The following HORMAD2 variants were observed in gnomAD, a reference collection of about 807,000 sequenced individuals.
The protein encoded by HORMAD2 is HORMA domain-containing protein 2.
Under a neutral mutation model 38.8 loss-of-function variants are expected in HORMAD2, and 45 were observed. The observed-to-expected ratio is 1.16, with a 90% CI of 0.91 to 1.49. The LOEUF (loss-of-function observed/expected upper bound fraction) is 1.49, where lower values mean the gene tolerates loss of function less well. Ranked by LOEUF, HORMAD2 falls within the 40% of genes most tolerant of loss-of-function variation. The pLI is 0.00. For missense variants in HORMAD2, 338 were observed against 367.0 expected, an observed-to-expected ratio of 0.92 and a Z score of 0.65; for synonymous variants, 126 against 122.8, an observed-to-expected ratio of 1.03 and a Z score of -0.17.
intron 10 of HORMAD2, among the ~76,000 whole-genome samples, chr22:30,173,359 G>A (rs1377034431): frequency 6.6e-6 from 1 of 152,220 alleles, no homozygotes; most frequent in Non-Finnish European, 1.5e-5. Flanking sequence ...ACCAGTGATT[G>A]GGAGAGATGA....
intron 10 of HORMAD2, among the ~76,000 whole-genome samples, chr22:30,156,027 C>G (rs751226467): frequency 6.6e-6 from 1 of 152,130 alleles, no homozygotes; most frequent in Non-Finnish European, 1.5e-5. Flanking sequence ...CCTGCTCAGG[C>G]TCCAACTCTG....
At chr22:30,200,073 C>T in the HORMAD2 span, among the ~76,000 whole-genome samples, 3 of 152,110 alleles carry the variant, frequency 2.0e-5, no homozygotes, top group Admixed American at 6.5e-5. Flanking sequence ...ACTGCTACCA[C>T]GCCTGGCTAA....
chr22:30,154,250 G>T (rs1186355777), intron 10 of HORMAD2, among the ~76,000 whole-genome samples: 1 of 151,984 alleles, frequency 6.6e-6, no homozygotes, highest in African/African-American at 2.4e-5. Flanking sequence ...CACAATATTT[G>T]TCACTAAAAT....
chr22:30,109,562 C>G (rs1479276337), intron 5 of HORMAD2, among the ~76,000 whole-genome samples: 1 of 152,058 alleles, frequency 6.6e-6, no homozygotes, highest in African/African-American at 2.4e-5. Context: ...AATGATCTGC[C>G]CACCTTGGGC....
rs1476834489 is a variant in HORMAD2, at chr22:30,122,083, A to G, written c.688A>G (p.Met230Val). 6.2e-7 allele frequency: 1 copy of G among 1,613,812 alleles called. No individual in the cohort carries two copies. Residue 230 changes from methionine to valine, a missense_variant, in exon 10 of 11, where the codon ATG becomes GTG. Transcript: ENST00000336726. ...ATTTGTCTCCACTGGCTTTCATAGC[A>G]TGAAAGTAAAAGTCATGACAGAGGC... ...VGFVSTGFHS[M>V]KVKVMTEATK... is the part of the protein sequence containing the mutation.
upstream of HORMAD2, among the ~76,000 whole-genome samples, chr22:30,077,768 C>T (rs1453415654): frequency 6.6e-6 from 1 of 152,134 alleles, no homozygotes; most frequent in African/African-American, 2.4e-5. Flanking sequence ...TACTTATATT[C>T]TCATCTGTAA....
rs990130795 is a variant in HORMAD2, at chr22:30,176,894, A to T, written c.*727A>T. 3 of 152,772 alleles carry T rather than the reference A, an allele frequency of 2.0e-5. No homozygotes were observed. The highest frequency in any genetic ancestry group is 7.2e-5 in the African/African-American group (3 of 41,460). The allele number at this position is 152,772 out of a possible 1,614,324, so 9.5% of individuals were successfully genotyped here. On this transcript the variant is annotated 3_prime_UTR_variant, in exon 11 of 11. Coordinates refer to ENST00000336726, the MANE Select transcript of HORMAD2 (RefSeq NM_152510.4). Reference sequence around the variant, plus strand: ...CCTTATTCTGGAAGAATTTGGATAGACTTAATTGATGATTAGTATGAGATG... The same window carrying T: ...CCTTATTCTGGAAGAATTTGGATAGTCTTAATTGATGATTAGTATGAGATG...
chr22:30,096,482 T>TC (rs200347766), intron 2 of HORMAD2, among the ~76,000 whole-genome samples: 6 of 102,972 alleles, frequency 5.8e-5, no homozygotes, highest in Non-Finnish European at 1.1e-4. Context: ...CTCATTGTGA[T>TC]TTTTTTTTTT....
At chr22:30,201,821 A>G in the HORMAD2 span, among the ~76,000 whole-genome samples, 40,158 of 151,970 alleles carry the variant, frequency 0.26, 6,048 homozygotes, top group Middle Eastern at 0.41. Context: ...CTCATGAACC[A>G]TATTTCAAGA....
chr22:30,154,083 A>G (rs1329007939), intron 10 of HORMAD2, among the ~76,000 whole-genome samples: 2 of 152,274 alleles, frequency 1.3e-5, no homozygotes, highest in Non-Finnish European at 2.9e-5. Context: ...CTCTGACCTT[A>G]CCTTCTTTCA....
chr22:30,150,503 C>T (rs1924684904), intron 10 of HORMAD2, among the ~76,000 whole-genome samples: 1 of 152,146 alleles, frequency 6.6e-6, no homozygotes, highest in Admixed American at 6.5e-5. Flanking sequence ...CCCCACCCAC[C>T]TCCTCTACCT....
intron 10 of HORMAD2, among the ~76,000 whole-genome samples, chr22:30,130,916 G>C (rs1035232824): frequency 1.3e-5 from 2 of 151,820 alleles, no homozygotes; most frequent in African/African-American, 4.8e-5. Flanking sequence ...TTCCTAATAG[G>C]GGTGTTTTAG....
intron 1 of HORMAD2, among the ~76,000 whole-genome samples, chr22:30,092,945 T>A (rs773001122): frequency 1.3e-5 from 2 of 152,208 alleles, no homozygotes; most frequent in Non-Finnish European, 2.9e-5. Flanking sequence ...TTGTTCTTTT[T>A]GCTCAGAATT....
intron 10 of HORMAD2, among the ~76,000 whole-genome samples, chr22:30,156,588 T>G (rs1569114290): frequency 6.6e-6 from 1 of 152,248 alleles, no homozygotes; most frequent in Non-Finnish European, 1.5e-5. Context: ...GGGTAGTTTC[T>G]GATGCCTGAC....
intron 10 of HORMAD2, among the ~76,000 whole-genome samples, chr22:30,166,223 T>G (rs965690534): frequency 6.6e-6 from 1 of 152,140 alleles, no homozygotes; most frequent in African/African-American, 2.4e-5. Flanking sequence ...GGAAACATTA[T>G]TTCTAGTATC....
At chr22:30,100,526 C>A (rs886233259) in intron 3 of HORMAD2, among the ~76,000 whole-genome samples, 2 of 152,142 alleles carry the variant, frequency 1.3e-5, no homozygotes, top group Admixed American at 6.6e-5. Flanking sequence ...TAGGCATGGG[C>A]AAAGACTTCA....
At chr22:30,104,561 A>T in intron 5 of HORMAD2, 124 bp downstream of exon 5, 1 of 683,428 alleles carries the variant, frequency 1.5e-6, no homozygotes. Context: ...GCATCCATAA[A>T]CTAATTTCTT....
the HORMAD2 span, among the ~76,000 whole-genome samples, chr22:30,205,309 C>T: frequency 6.6e-6 from 1 of 152,098 alleles, no homozygotes; most frequent in Admixed American, 6.6e-5. Flanking sequence ...GGCTTCCTAA[C>T]CACAGCGCTC....
chr22:30,096,504 A>G (rs571472184), intron 2 of HORMAD2, among the ~76,000 whole-genome samples: 5 of 148,152 alleles, frequency 3.4e-5, no homozygotes, highest in Admixed American at 6.7e-5. Flanking sequence ...TGACAGTCTC[A>G]CTCTGTCACC....
Sources: allele counts gnomAD v4.1 joint callset (sites outside exome capture counted in the v4.1 genomes callset), GRCh38; gene constraint gnomAD v4.1.1; transcripts MANE v1.5; gene names NCBI Gene and HGNC (gene_info 2026-07-23, HGNC 2026-07-21).